USH2A: variants seen among roughly 807,000 people sequenced by gnomAD.
USH2A encodes the protein Usher syndrome 2A (autosomal recessive, mild).
Under a neutral mutation model 538.9 loss-of-function variants are expected in USH2A, and 443 were observed. That is an observed-to-expected ratio of 0.82 (90% confidence interval 0.76 to 0.89). The LOEUF (loss-of-function observed/expected upper bound fraction) is 0.89. Among genes scored for constraint, USH2A ranks in the 40% least tolerant of loss-of-function variants. The pLI is 0.00. For synonymous variants in USH2A, 2,413 were observed against 2,273.5 expected, an observed-to-expected ratio of 1.06 and a Z score of -1.75; for missense variants, 6,633 against 6,324.8, an observed-to-expected ratio of 1.05 and a Z score of -1.65.
At chr1:215,821,538 G>A (rs148907188) in intron 47 of USH2A, among the ~76,000 whole-genome samples, 23 of 151,814 alleles carry the variant, frequency 1.5e-4, no homozygotes, top group African/African-American at 5.5e-4. Flanking sequence ...CAGTTTGCAA[G>A]TATTTTCTCC....
intron 64 of USH2A, among the ~76,000 whole-genome samples, chr1:215,651,592 C>T (rs1398469318): frequency 6.6e-6 from 1 of 151,150 alleles, no homozygotes; most frequent in Non-Finnish European, 1.5e-5. Context: ...AAAATTTGCC[C>T]CCGAGCTTTT....
intron 56 of USH2A, among the ~76,000 whole-genome samples, chr1:215,763,953 A>C (rs2102745918): frequency 6.6e-6 from 1 of 152,288 alleles, no homozygotes; most frequent in Middle Eastern, 3.4e-3. Flanking sequence ...AAGAGTGTCA[A>C]GCTTTGGGCT....
intron 11 of USH2A, among the ~76,000 whole-genome samples, chr1:216,269,021 T>C (rs539700034): frequency 2.0e-5 from 3 of 152,244 alleles, no homozygotes; most frequent in South Asian, 2.1e-4. Context: ...GTAAGCTCCA[T>C]AGTGGCAGGA....
chr1:215,742,982 T>C (rs1397388601), intron 59 of USH2A, among the ~76,000 whole-genome samples, 195 bp downstream of exon 59: 3 of 152,180 alleles, frequency 2.0e-5, no homozygotes, highest in African/African-American at 7.2e-5. Flanking sequence ...TAAATATTTA[T>C]GATTTAATGT....
At chr1:215,825,243 G>T (rs12142860) in intron 47 of USH2A, among the ~76,000 whole-genome samples, 1,835 of 152,134 alleles carry the variant, frequency 0.012, 16 homozygotes, top group Admixed American at 0.02. Context: ...TTTAGAGATG[G>T]GATCTTGCTA....
intron 13 of USH2A, among the ~76,000 whole-genome samples, chr1:216,241,779 C>T (rs2102537650): frequency 6.6e-6 from 1 of 152,228 alleles, no homozygotes; most frequent in Admixed American, 6.5e-5. Context: ...GGTGATCCAC[C>T]CGCCTCAGCC....
chr1:216,343,371 CAAAAAAAAA>C (rs1206103461), intron 4 of USH2A, among the ~76,000 whole-genome samples: 1 of 87,672 alleles, frequency 1.1e-5, no homozygotes, highest in Non-Finnish European at 2.5e-5. Context: ...ACCATCTCTA[CAAAAAAAAA>C]AAAAAAAAAA....
intron 9 of USH2A, among the ~76,000 whole-genome samples, chr1:216,311,290 C>A (rs555057888): frequency 2.0e-5 from 3 of 152,084 alleles, no homozygotes; most frequent in Non-Finnish European, 4.4e-5. Context: ...GGTCTCTTTC[C>A]GGTAACCCAG....
intron 61 of USH2A, among the ~76,000 whole-genome samples, chr1:215,720,928 T>C (rs961239966): frequency 2.0e-5 from 3 of 152,124 alleles, no homozygotes; most frequent in Admixed American, 2.0e-4. Context: ...TTCCTTTTTG[T>C]CTAATTCTTT....
chr1:216,193,474 G>GA (rs1390483730), intron 19 of USH2A, among the ~76,000 whole-genome samples: 1 of 152,066 alleles, frequency 6.6e-6, no homozygotes, highest in African/African-American at 2.4e-5. Flanking sequence ...AAAAGGCTTA[G>GA]AAAAAAATGG....
chr1:216,347,133 T>G (rs1382599435), intron 4 of USH2A, among the ~76,000 whole-genome samples: 1 of 152,056 alleles, frequency 6.6e-6, no homozygotes, highest in African/African-American at 2.4e-5. Context: ...AATTGTTCAA[T>G]TTACCTACTT....
intron 37 of USH2A, among the ~76,000 whole-genome samples, chr1:215,944,371 T>C (rs1666708788): frequency 6.6e-6 from 1 of 152,208 alleles, no homozygotes; most frequent in South Asian, 2.1e-4. Context: ...TTAAAAAATA[T>C]ACTGCCTTCC....
chr1:216,365,361 G>A (rs549305347), intron 3 of USH2A, among the ~76,000 whole-genome samples: 1 of 152,240 alleles, frequency 6.6e-6, no homozygotes, highest in Non-Finnish European at 1.5e-5. Context: ...TGGTTGCCAT[G>A]TTTTACAGGG....
intron 58 of USH2A, among the ~76,000 whole-genome samples, chr1:215,749,571 C>T (rs1325768823): frequency 1.3e-5 from 2 of 152,162 alleles, no homozygotes; most frequent in Admixed American, 1.3e-4. Flanking sequence ...ATACCATCTG[C>T]AATGAGTCTG....
At chr1:215,627,441 C>CTTCTTCCTTCTTTCCTTCCTTCT (rs1377090201) in intron 71 of USH2A, among the ~76,000 whole-genome samples, 1 of 55,050 alleles carries the variant, frequency 1.8e-5, no homozygotes, top group African/African-American at 5.6e-5. Context: ...TCCTTCCTTC[C>CTTCTTCCTTCTTTCCTTCCTTCT]TTCCTTCCTT....
intron 26 of USH2A, among the ~76,000 whole-genome samples, chr1:216,082,165 T>C (rs559140774): frequency 6.6e-6 from 1 of 152,236 alleles, no homozygotes; most frequent in East Asian, 1.9e-4. Context: ...TGTTCACTCA[T>C]TCATTCATTC....
intron 65 of USH2A, among the ~76,000 whole-genome samples, chr1:215,650,225 C>A (rs1192839397): frequency 6.6e-6 from 1 of 152,178 alleles, no homozygotes; most frequent in Non-Finnish European, 1.5e-5. Context: ...TTTACACCAC[C>A]AATAATTACC....
intron 43 of USH2A, among the ~76,000 whole-genome samples, chr1:215,874,687 T>C (rs1457279079): frequency 6.6e-6 from 1 of 152,192 alleles, no homozygotes; most frequent in Non-Finnish European, 1.5e-5. Flanking sequence ...ACTTTTTATA[T>C]CAGGAGAAGT....
intron 32 of USH2A, among the ~76,000 whole-genome samples, chr1:216,013,306 A>T (rs1668623049): frequency 6.8e-6 from 1 of 148,014 alleles, no homozygotes; most frequent in African/African-American, 2.5e-5. Flanking sequence ...AATCTCTCCC[A>T]CTCTAGGTTC....
Sources: allele counts gnomAD v4.1 joint callset (sites outside exome capture counted in the v4.1 genomes callset), GRCh38; gene constraint gnomAD v4.1.1; transcripts MANE v1.5; gene names NCBI Gene and HGNC (gene_info 2026-07-23, HGNC 2026-07-21).